The following ITGA11 variants were observed in gnomAD, a reference collection of about 807,000 sequenced individuals.
ITGA11 encodes the protein integrin alpha-11.
Under a neutral mutation model 141.9 loss-of-function variants are expected in ITGA11, and 97 were observed. The observed-to-expected ratio is 0.68, with a 90% CI of 0.58 to 0.81. The LOEUF (loss-of-function observed/expected upper bound fraction) is 0.81. Ranked by LOEUF, ITGA11 falls within the 30% of genes least tolerant of loss-of-function variation. The probability of loss-of-function intolerance (pLI) is 0.00; values close to 1 mark genes in which losing one functional copy is unlikely to be tolerated. For synonymous variants in ITGA11, 658 were observed against 624.6 expected (o/e 1.05, Z -0.80); for missense variants, 1,387 against 1,559.2 (o/e 0.89, Z 1.86).
chr15:68,400,712 T>A (rs1248765043), intron 2 of ITGA11, among the ~76,000 whole-genome samples: 1 of 26,294 alleles, frequency 3.8e-5, no homozygotes, highest in Non-Finnish European at 5.6e-5. Context: ...ATAATAAATA[T>A]TATATATTAT....
chr15:68,326,739 T>A lies in ITGA11; in HGVS notation c.2126A>T (p.Asp709Val), dbSNP rs1340942078. ...ERRYTPRAHL[D>V]EGGDRFTNRA... ...GTTGGTGAATCGGTCCCCGCCCTCG[T>A]CCAGGTGGGCCCTCGGTGTATACCG... Residue 709 changes from aspartate to valine, a missense_variant, in exon 17 of 30, where the codon GAC (aspartate) becomes GTC (valine). Asp to Val is a radical substitution (Grantham distance 152). Transcript: ENST00000315757. The surrounding 1 kb of genome is among the most constrained non-coding windows in gnomAD (Gnocchi z 6.8). 1 of 1,582,684 alleles carries A rather than the reference T, an allele frequency of 6.3e-7. No homozygotes were observed. Among genetic ancestry groups the A allele is most frequent in the Non-Finnish European group, 8.6e-7 (1 of 1,164,368 alleles).
At chr15:68,420,705 A>T (rs1896999014) in intron 1 of ITGA11, among the ~76,000 whole-genome samples, 1 of 152,184 alleles carries the variant, frequency 6.6e-6, no homozygotes, top group Non-Finnish European at 1.5e-5. Flanking sequence ...TTCATTCTTG[A>T]ACTATTTATC....
At position 68,325,341 on chromosome 15, in the gene ITGA11, G is replaced by A. The variant is rs551126371; in HGVS notation, c.2212-100C>T. 132 of 808,146 alleles carry A rather than the reference G, an allele frequency of 1.6e-4. No homozygotes were observed. In the African/African-American group the frequency reaches 2.0e-3, roughly 12 times the overall value. The allele number at this position is 808,146 out of a possible 1,614,324, so 50.1% of individuals were successfully genotyped here. On this transcript the variant is annotated intron_variant, in intron 17 of 29. Transcript: ENST00000315757. The surrounding 1 kb of genome is among the most constrained non-coding windows in gnomAD (Gnocchi z 5.5). ...GATAGAACTTCCACCTTCCTTAGATGGCAGGGCAGCTGCCCTGTGCCCTCA... is the reference window on the plus strand; with the variant it reads ...GATAGAACTTCCACCTTCCTTAGATAGCAGGGCAGCTGCCCTGTGCCCTCA...
chr15:68,373,699 A>G (rs189859900), intron 2 of ITGA11, among the ~76,000 whole-genome samples: 9 of 152,284 alleles, frequency 5.9e-5, no homozygotes, highest in Admixed American at 3.3e-4. Flanking sequence ...CAATCAAGTG[A>G]ATCTCAAGAC....
At chr15:68,313,006 G>A (rs1893445762) in intron 23 of ITGA11, 143 bp from the exon 24 acceptor site, 1 of 620,782 alleles carries the variant, frequency 1.6e-6, no homozygotes, top group Non-Finnish European at 2.9e-6. Context: ...GGGAGTGAGT[G>A]TCATGTTGGA....
chr15:68,298,692 T>C lies in ITGA11; in HGVS notation c.*4367A>G, dbSNP rs1892960216. 1 of 152,158 alleles carries C rather than the reference T, an allele frequency of 6.6e-6. No individual in the cohort carries two copies. Among genetic ancestry groups the C allele is most frequent in the African/African-American group, 2.4e-5 (1 of 41,438 alleles). 9.4% of individuals were successfully genotyped at this position (152,158 alleles called of 1,614,324 possible). A position where few individuals can be genotyped will look rare whatever the true frequency, so the allele number is the denominator to read the frequency against. On this transcript the variant is annotated 3_prime_UTR_variant, in exon 30 of 30. Coordinates refer to ENST00000315757, the MANE Select transcript of ITGA11 (RefSeq NM_001004439.2). ...TTGTTCTCCATTTAGATGCATCTAT[T>C]TGAAATTTGATTTTCTGTATTTCCT...
At position 68,299,054 on chromosome 15, in the gene ITGA11, A is replaced by G. The variant is rs1013098564; in HGVS notation, c.*4005T>C. Reference sequence around the variant, plus strand: ...GACACTGTCTCAAAACAAACCATGCAAAGCTGATTAGAAAGGGTAAGTCCC... The same window carrying G: ...GACACTGTCTCAAAACAAACCATGCGAAGCTGATTAGAAAGGGTAAGTCCC... On this transcript the variant is annotated 3_prime_UTR_variant, in exon 30 of 30. Coordinates refer to ENST00000315757, the MANE Select transcript of ITGA11 (RefSeq NM_001004439.2). The G allele has an allele frequency of 2.6e-5, 4 of 152,198 alleles. No individual in the cohort carries two copies. Among genetic ancestry groups the G allele is most frequent in the African/African-American group, 9.7e-5 (4 of 41,434 alleles). The allele number at this position is 152,198 out of a possible 1,614,324, so 9.4% of individuals were successfully genotyped here. A position where few individuals can be genotyped will look rare whatever the true frequency, so the allele number is the denominator to read the frequency against.
intron 10 of ITGA11, 92 bp from the exon 11 acceptor site, chr15:68,339,736 C>A: frequency 5.4e-6 from 8 of 1,468,216 alleles, no homozygotes; most frequent in African/African-American, 1.4e-5. Flanking sequence ...GACGCCTCCA[C>A]CAGCCACCTC....
At chr15:68,404,292 G>T (rs541097502) in intron 1 of ITGA11, among the ~76,000 whole-genome samples, 105 of 152,194 alleles carry the variant, frequency 6.9e-4, no homozygotes, top group African/African-American at 2.4e-3. Flanking sequence ...ACAAAGCTCC[G>T]TCTGGCTTCG....
intron 22 of ITGA11, among the ~76,000 whole-genome samples, chr15:68,314,449 G>A (rs546408010): frequency 2.1e-4 from 32 of 152,144 alleles, no homozygotes; most frequent in Non-Finnish European, 2.2e-4. Flanking sequence ...ATGAACTACC[G>A]GGGCAAATCA....
chr15:68,405,874 A>G (rs780130205), intron 1 of ITGA11, among the ~76,000 whole-genome samples: 1 of 152,118 alleles, frequency 6.6e-6, no homozygotes, highest in Non-Finnish European at 1.5e-5. Context: ...GTATGCACAC[A>G]TGCACACGCA....
Position 68,313,824 on chromosome 15 carries a change from G to A in ITGA11, c.2837C>T (p.Pro946Leu). The change falls in exon 23 of 30, where the codon CCC (proline) becomes CTC (leucine). Residue 946 changes from proline (P) to leucine (L), a missense_variant. Coordinates refer to ENST00000315757, the MANE Select transcript of ITGA11 (RefSeq NM_001004439.2). ...CTCGTATTTGAGGTGGAAGCGTAAGGGGGCCACGTTGTCTTCCTTGGTGCT... is the reference window on the plus strand; with the variant it reads ...CTCGTATTTGAGGTGGAAGCGTAAGAGGGCCACGTTGTCTTCCTTGGTGCT... ...RDSTKEDNVA[P>L]LRFHLKYEAD... 5.0e-6 allele frequency: 8 copies of A among 1,614,016 alleles called. No homozygotes were observed. Among genetic ancestry groups the A allele is most frequent in the Non-Finnish European group, 5.1e-6 (6 of 1,179,880 alleles).
intron 1 of ITGA11, among the ~76,000 whole-genome samples, chr15:68,417,063 C>T (rs1203196992): frequency 6.6e-6 from 1 of 151,940 alleles, no homozygotes; most frequent in Non-Finnish European, 1.5e-5. Context: ...TCTGTCTGAG[C>T]GAGTGTGTGG....
At chr15:68,359,573 G>C (rs913472534) in intron 5 of ITGA11, among the ~76,000 whole-genome samples, 16 of 152,132 alleles carry the variant, frequency 1.1e-4, no homozygotes, top group Non-Finnish European at 4.4e-5. Context: ...TTGAACCCAG[G>C]AGGCAGAGGT....
intron 10 of ITGA11, among the ~76,000 whole-genome samples, chr15:68,345,190 T>C (rs1567137832): frequency 6.6e-6 from 1 of 152,308 alleles, no homozygotes; most frequent in East Asian, 1.9e-4. Context: ...TGGCTCTTAG[T>C]GACCTTTGCG....
chr15:68,323,921 G>A (rs1472830819), intron 18 of ITGA11, among the ~76,000 whole-genome samples: 2 of 152,186 alleles, frequency 1.3e-5, no homozygotes, highest in Middle Eastern at 3.2e-3. Flanking sequence ...CACGGAGATC[G>A]TCGGTGTCAG....
intron 1 of ITGA11, among the ~76,000 whole-genome samples, chr15:68,426,479 G>C (rs1351405731): frequency 6.6e-6 from 1 of 152,134 alleles, no homozygotes; most frequent in Non-Finnish European, 1.5e-5. Context: ...AGGGGAGAGG[G>C]AGAGACGTTC....
intron 11 of ITGA11, among the ~76,000 whole-genome samples, chr15:68,338,728 T>C (rs1268008863): frequency 6.6e-6 from 1 of 152,216 alleles, no homozygotes; most frequent in East Asian, 1.9e-4. Context: ...AGATTCGCTG[T>C]CCACTCTGGG....
At position 68,307,497 on chromosome 15, in the gene ITGA11, C is replaced by G. The variant is rs1371792507; in HGVS notation, c.3286-54G>C. On this transcript the variant is annotated intron_variant, in intron 27 of 29. Transcript: ENST00000315757. The surrounding 1 kb of genome is among the most constrained non-coding windows in gnomAD (Gnocchi z 6.1). Reference sequence around the variant, plus strand: ...TGGCTTGGAAGCTTTTCTTCCCGTCCCCTCCCCAGGCAGCCCCAGGTGGAA... The same window carrying G: ...TGGCTTGGAAGCTTTTCTTCCCGTCGCCTCCCCAGGCAGCCCCAGGTGGAA... The G allele has an allele frequency of 2.0e-6, 3 of 1,521,548 alleles. No individual in the cohort carries two copies. Among genetic ancestry groups the G allele is most frequent in the Non-Finnish European group, 2.7e-6 (3 of 1,117,790 alleles). The allele number at this position is 1,521,548 out of a possible 1,614,324, so 94.3% of individuals were successfully genotyped here.
Sources: allele counts gnomAD v4.1 joint callset (sites outside exome capture counted in the v4.1 genomes callset), GRCh38; gene constraint gnomAD v4.1.1; non-coding constraint Gnocchi (gnomAD v3.1); transcripts MANE v1.5; gene names NCBI Gene and HGNC (gene_info 2026-07-23, HGNC 2026-07-21).